OSBP: variants seen among roughly 807,000 people sequenced by gnomAD.
OSBP encodes the protein oxysterol-binding protein 1.
In OSBP, 32 loss-of-function variants were observed where a neutral mutation model predicts 96.6. The ratio of observed to expected loss-of-function variants is 0.33; its 90% CI spans 0.25 to 0.45. The LOEUF is 0.45. OSBP is among the 20% of genes least tolerant of loss of function. The probability of loss-of-function intolerance (pLI) is 1.00; values close to 1 mark genes in which losing one functional copy is unlikely to be tolerated. For missense variants in OSBP, 653 were observed against 1,029.7 expected, an observed-to-expected ratio of 0.63 and a Z score of 5.01; for synonymous variants, 369 against 389.6, an observed-to-expected ratio of 0.95 and a Z score of 0.62.
At chr11:59,581,037 C>T (rs1860414538) in intron 10 of OSBP, among the ~76,000 whole-genome samples, 1 of 152,214 alleles carries the variant, frequency 6.6e-6, no homozygotes, top group African/African-American at 2.4e-5. Context: ...CATTTTCCAA[C>T]CTACACATTG....
rs754344857 is a variant in OSBP at position 59,576,375 on chromosome 11, C to T, written c.*202G>A. 42 of 591,848 alleles carry T rather than the reference C, an allele frequency of 7.1e-5. No homozygotes were observed. Among genetic ancestry groups the T allele is most frequent in the Non-Finnish European group, 8.3e-5 (28 of 337,042 alleles). 36.7% of individuals were successfully genotyped at this position (591,848 alleles called of 1,614,324 possible). A position where few individuals can be genotyped will look rare whatever the true frequency, so the allele number is the denominator to read the frequency against. On this transcript the variant is annotated 3_prime_UTR_variant, in exon 14 of 14. Transcript: ENST00000263847. ...CTTACAGACATAGTATCTCCTATGT[C>T]GATTTCAGTTTCAATCAGCTAAGGC... is the stretch of plus-strand genomic sequence containing the variant.
At chr11:59,586,976 G>A (rs1860506304) in intron 9 of OSBP, among the ~76,000 whole-genome samples, 1 of 152,006 alleles carries the variant, frequency 6.6e-6, no homozygotes, top group Non-Finnish European at 1.5e-5. Context: ...ATAATTTCTT[G>A]GCTATGACAC....
chr11:59,600,855 G>C lies in OSBP; in HGVS notation c.1143C>G (p.Ile381Met). The C allele has an allele frequency of 1.2e-6, 2 of 1,613,604 alleles. No homozygotes were observed. The highest frequency in any genetic ancestry group is 1.7e-6 in the Non-Finnish European group (2 of 1,179,686). ...GGCTGATGTCACTGCTGGCTCCACTGATATTGCTGCCAGTACGTCTGTACA... is the reference window on the plus strand; with the variant it reads ...GGCTGATGTCACTGCTGGCTCCACTCATATTGCTGCCAGTACGTCTGTACA... ...NLGHKRTGSN[I>M]SGASSDISLD... is the part of the protein sequence containing the mutation. Residue 381 changes from isoleucine to methionine, a missense_variant, in exon 6 of 14, where the codon ATC (isoleucine) becomes ATG (methionine). Coordinates refer to ENST00000263847, the MANE Select transcript of OSBP (RefSeq NM_002556.3).
intron 9 of OSBP, among the ~76,000 whole-genome samples, chr11:59,584,968 C>T (rs1590668639): frequency 6.6e-6 from 1 of 152,198 alleles, no homozygotes; most frequent in African/African-American, 2.4e-5. Flanking sequence ...AGTGCAGTGG[C>T]GTGATCTCGG....
In OSBP at chr11:59,600,523, T is replaced by C. The variant is rs760795655; in HGVS notation, c.1284A>G (p.Gly428=). 4 of 1,614,046 alleles carry C rather than the reference T, an allele frequency of 2.5e-6. No individual in the cohort carries two copies. The East Asian group carries it at 8.9e-5, about 36-fold the overall frequency. Residue 428 remains glycine (G), a synonymous_variant, in exon 7 of 14, where the codon GGA becomes GGG. Coordinates refer to ENST00000263847, the MANE Select transcript of OSBP (RefSeq NM_002556.3). ...NLWSIMKNCI[G]KELSKIPMPV... ...GCATGGGGATCTTAGAGAGTTCTTTTCCAATGCAGTTCTTCATGATGCTCC... is the reference window on the plus strand; with the variant it reads ...GCATGGGGATCTTAGAGAGTTCTTTCCCAATGCAGTTCTTCATGATGCTCC...
chr11:59,585,190 G>T (rs961758190), intron 9 of OSBP, among the ~76,000 whole-genome samples: 2 of 151,320 alleles, frequency 1.3e-5, no homozygotes, highest in Non-Finnish European at 2.9e-5. Context: ...TAGGAAGTGA[G>T]GAGCGCCTCT....
rs1860345780 is a variant in OSBP, at chr11:59,575,139, G to C, written c.*1438C>G. The C allele has an allele frequency of 6.6e-6, 1 of 152,154 alleles. No individual in the cohort carries two copies. The highest frequency in any genetic ancestry group is 1.9e-4 in the East Asian group (1 of 5,202). 9.4% of individuals were successfully genotyped at this position (152,154 alleles called of 1,614,324 possible). A position where few individuals can be genotyped will look rare whatever the true frequency, so the allele number is the denominator to read the frequency against. ...CACATCCTAGGAAGAAAGTTCTTTT[G>C]GAATTCAGCCTATGCGCCGGACAGA... On this transcript the variant is annotated 3_prime_UTR_variant, in exon 14 of 14. Transcript: ENST00000263847.
At chr11:59,611,500 T>C (rs1315100667) in intron 1 of OSBP, among the ~76,000 whole-genome samples, 1 of 152,210 alleles carries the variant, frequency 6.6e-6, no homozygotes, top group Non-Finnish European at 1.5e-5. Context: ...TGTTACATCA[T>C]GCTTAGAGTT....
At chr11:59,582,040 C>A (rs1860428622) in intron 9 of OSBP, among the ~76,000 whole-genome samples, 1 of 152,208 alleles carries the variant, frequency 6.6e-6, no homozygotes, top group East Asian at 1.9e-4. Context: ...TGAATTCAGA[C>A]AGAACTGGAT....
chr11:59,574,622 T>C lies in OSBP; in HGVS notation c.*1955A>G, dbSNP rs893379794. ...GGGGATAAAGCAGAGAAGTCCAATT[T>C]AGTTGGGGAATTCTCACTCTATCCA... On this transcript the variant is annotated 3_prime_UTR_variant, in exon 14 of 14. Coordinates refer to ENST00000263847, the MANE Select transcript of OSBP (RefSeq NM_002556.3). The C allele has an allele frequency of 6.6e-6, 1 of 151,970 alleles. No individual in the cohort carries two copies. Among genetic ancestry groups the C allele is most frequent in the Non-Finnish European group, 1.5e-5 (1 of 67,904 alleles). The allele number at this position is 151,970 out of a possible 1,614,324, so 9.4% of individuals were successfully genotyped here.
intron 9 of OSBP, among the ~76,000 whole-genome samples, chr11:59,589,732 C>T (rs1160684876): frequency 6.6e-6 from 1 of 152,108 alleles, no homozygotes; most frequent in African/African-American, 2.4e-5. Flanking sequence ...CGCCTGTAAT[C>T]CCAGCACTTT....
At chr11:59,613,305 T>C (rs369804500) in intron 1 of OSBP, among the ~76,000 whole-genome samples, 3 of 152,342 alleles carry the variant, frequency 2.0e-5, no homozygotes, top group South Asian at 4.1e-4. Context: ...GTTTTATATG[T>C]AGTCAGACAG....
chr11:59,597,518 T>C (rs1041739112), intron 7 of OSBP, among the ~76,000 whole-genome samples: 5 of 151,330 alleles, frequency 3.3e-5, no homozygotes, highest in Non-Finnish European at 5.9e-5. Context: ...CTAAGGCTAC[T>C]CATGGCCTTT....
At position 59,615,706 on chromosome 11, in the gene OSBP, G is replaced by A; in HGVS notation, c.-42C>T. The A allele has an allele frequency of 3.2e-6, 4 of 1,265,852 alleles. No individual in the cohort carries two copies. The highest frequency in any genetic ancestry group is 4.0e-6 in the Non-Finnish European group (4 of 1,007,340). The allele number at this position is 1,265,852 out of a possible 1,614,324, so 78.4% of individuals were successfully genotyped here. On this transcript the variant is annotated 5_prime_UTR_variant, in exon 1 of 14. Transcript: ENST00000263847. ...GAGATACAAGACCGGAACCGCCTAC[G>A]AGAGCCGCCGTCGCCGCCCGGAGCG...
chr11:59,591,564 TA>T (rs1156348429), intron 9 of OSBP, among the ~76,000 whole-genome samples: 1 of 152,004 alleles, frequency 6.6e-6, no homozygotes, highest in Non-Finnish European at 1.5e-5. Context: ...AGGTATTATA[TA>T]TTTTTTGGTC....
At chr11:59,577,277 C>G (rs1860371765) in intron 12 of OSBP, among the ~76,000 whole-genome samples, 1 of 152,150 alleles carries the variant, frequency 6.6e-6, no homozygotes, top group Non-Finnish European at 1.5e-5. Flanking sequence ...CTGAAATTAT[C>G]TACGTTCATT....
chr11:59,598,303 G>A (rs989821761), intron 7 of OSBP, among the ~76,000 whole-genome samples: 1 of 152,216 alleles, frequency 6.6e-6, no homozygotes, highest in Non-Finnish European at 1.5e-5. Context: ...TCTATGAAGA[G>A]GCAGAAACCA....
intron 6 of OSBP, 79 bp from the exon 7 acceptor site, chr11:59,600,706 T>TA (rs1367330924): frequency 3.5e-6 from 5 of 1,432,906 alleles, no homozygotes; most frequent in Non-Finnish European, 4.6e-6. Context: ...TCCCCCGTGC[T>TA]AAAAAAAGAA....
At chr11:59,605,237 C>A (rs886157562) in intron 3 of OSBP, among the ~76,000 whole-genome samples, 3 of 152,146 alleles carry the variant, frequency 2.0e-5, no homozygotes, top group Non-Finnish European at 4.4e-5. Flanking sequence ...GTATGATCTG[C>A]AGCCCTTTCT....
Sources: allele counts gnomAD v4.1 joint callset (sites outside exome capture counted in the v4.1 genomes callset), GRCh38; gene constraint gnomAD v4.1.1; transcripts MANE v1.5; gene names NCBI Gene and HGNC (gene_info 2026-07-23, HGNC 2026-07-21).